Variants in DUT observed in about 807,000 individuals in gnomAD.
DUT encodes deoxyuridine triphosphatase.
A neutral mutation model predicts 28.8 loss-of-function variants in DUT; 21 were observed. The observed-to-expected ratio is 0.73, with a 90% confidence interval of 0.52 to 1.05. The LOEUF (loss-of-function observed/expected upper bound fraction) is 1.05, where lower values mean the gene tolerates loss of function less well. DUT is among the 50% of genes least tolerant of loss of function. DUT has a pLI of 0.00. For missense variants in DUT, 344 were observed against 351.8 expected (o/e 0.98, Z 0.18); for synonymous variants, 147 against 143.7 (o/e 1.02, Z -0.17).
In DUT at chr15:48,332,040, C is replaced by T. The variant is rs1015691095; in HGVS notation, c.281-228C>T. Reference sequence around the variant, plus strand: ...AGTTGACTGGGACCCAGTAGTTTCCCATCCCAAACCTGCTTTCCGAGAAGG... The same window carrying T: ...AGTTGACTGGGACCCAGTAGTTTCCTATCCCAAACCTGCTTTCCGAGAAGG... On this transcript the variant is annotated intron_variant, in intron 1 of 6. Transcript: ENST00000331200. The T allele has an allele frequency of 1.2e-5, 13 of 1,062,604 alleles. No individual in the cohort carries two copies. In the African/African-American group the frequency reaches 1.5e-4, roughly 12 times the overall value. The allele number at this position is 1,062,604 out of a possible 1,614,324, so 65.8% of individuals were successfully genotyped here. A position where few individuals can be genotyped will look rare whatever the true frequency, so the allele number is the denominator to read the frequency against.
chr15:48,331,327 C>A, upstream of DUT: 6 of 1,441,160 alleles, frequency 4.2e-6, no homozygotes, highest in Non-Finnish European at 4.6e-6. Flanking sequence ...CCAACGGCGC[C>A]GTCTTCCTGG....
rs751776310 is a variant in DUT at position 48,341,509 on chromosome 15, T to C, written c.632-6T>C. 2 of 1,612,844 alleles carry C rather than the reference T, an allele frequency of 1.2e-6. No homozygotes were observed. The highest frequency in any genetic ancestry group is 1.7e-6 in the Non-Finnish European group (2 of 1,179,318). On this transcript the variant is annotated splice_polypyrimidine_tract_variant and splice_region_variant and intron_variant, in intron 5 of 6. Transcript: ENST00000331200. ...ACGTCAGTAATAAACTATTCTTTCT[T>C]TGAAGTCAAAAAAGGTGATCGAATT...
chr15:48,331,432 C>A lies in DUT; in HGVS notation c.-84C>A. The A allele has an allele frequency of 1.3e-6, 2 of 1,570,938 alleles. No homozygotes were observed. The highest frequency in any genetic ancestry group is 2.4e-5 in the South Asian group (2 of 84,674). ...CTGCGACTGCTTCCGAGGTCATGTTCCCAGGACGGGCGCGTCTTCAGGGTG... is the reference window on the plus strand; with the variant it reads ...CTGCGACTGCTTCCGAGGTCATGTTACCAGGACGGGCGCGTCTTCAGGGTG... On this transcript the variant is annotated 5_prime_UTR_variant, in exon 1 of 7. Coordinates refer to ENST00000331200, the MANE Select transcript of DUT (RefSeq NM_001025248.2).
intron 6 of DUT, 46 bp from the exon 7 acceptor site, chr15:48,341,975 AG>A: frequency 7.0e-7 from 1 of 1,433,088 alleles, no homozygotes; most frequent in Non-Finnish European, 9.5e-7. Flanking sequence ...AAACTGAAAG[AG>A]GCTCTTAAAA....
chr15:48,339,787 C>T (rs2141167187), intron 4 of DUT, among the ~76,000 whole-genome samples: 1 of 152,224 alleles, frequency 6.6e-6, no homozygotes, highest in Admixed American at 6.5e-5. Flanking sequence ...CATCAGGAAC[C>T]TTTTAAGAAG....
At chr15:48,337,218 C>G (rs910720391) in intron 4 of DUT, among the ~76,000 whole-genome samples, 5 of 152,178 alleles carry the variant, frequency 3.3e-5, no homozygotes, top group African/African-American at 1.2e-4. Flanking sequence ...ACAGCCCACT[C>G]TTGGGTTGAG....
chr15:48,335,179 T>G (rs2042461574), intron 3 of DUT, among the ~76,000 whole-genome samples: 1 of 152,108 alleles, frequency 6.6e-6, no homozygotes, highest in Non-Finnish European at 1.5e-5. Context: ...TTTTTTAGAA[T>G]TTTTTCAGGG....
intron 2 of DUT, among the ~76,000 whole-genome samples, chr15:48,334,198 C>G (rs1412481385): frequency 6.6e-6 from 1 of 152,154 alleles, no homozygotes; most frequent in African/African-American, 2.4e-5. Context: ...ATTATTTTAT[C>G]TAAAGCTGTC....
Position 48,342,009 on chromosome 15 carries a change from TTCTA to T in DUT, c.703-9_703-6del. ...AAAAAAACTGTGAAGCTTACTACCTTTCTATCTTTCAGGCCTTGGATGACACCGA... is the reference window on the plus strand; with the variant it reads ...AAAAAAACTGTGAAGCTTACTACCTTTCTTTCAGGCCTTGGATGACACCGA... On this transcript the variant is annotated splice_polypyrimidine_tract_variant and intron_variant, in intron 6 of 6. Coordinates refer to ENST00000331200, the MANE Select transcript of DUT (RefSeq NM_001025248.2). 1 of 1,565,922 alleles carries T rather than the reference TTCTA, an allele frequency of 6.4e-7. No individual in the cohort carries two copies. The highest frequency in any genetic ancestry group is 1.9e-4 in the Middle Eastern group (1 of 5,282).
At chr15:48,337,214 C>T (rs1241480383) in intron 4 of DUT, among the ~76,000 whole-genome samples, 1 of 152,092 alleles carries the variant, frequency 6.6e-6, no homozygotes, top group Non-Finnish European at 1.5e-5. Context: ...ATTGACAGCC[C>T]ACTCTTGGGT....
In DUT at chr15:48,331,668, C is replaced by T; in HGVS notation, c.153C>T (p.His51=). 1 of 1,534,672 alleles carries T rather than the reference C, an allele frequency of 6.5e-7. No homozygotes were observed. Among genetic ancestry groups the T allele is most frequent in the South Asian group, 1.2e-5 (1 of 82,534 alleles). ...PGPPLGRAAQ[H]GIPRPLSSAG... is the part of the protein sequence containing the mutation. ...CGCCCCTCGGCCGCGCCGCGCAGCA[C>T]GGGATTCCCCGGCCGCTGTCCAGCG... is the stretch of plus-strand genomic sequence containing the variant. The change falls in exon 1 of 7, where the codon CAC becomes CAT. Residue 51 remains histidine (H), a synonymous_variant. Coordinates refer to ENST00000331200, the MANE Select transcript of DUT (RefSeq NM_001025248.2).
At position 48,332,290 on chromosome 15, in the gene DUT, T is replaced by C. The variant is rs1289579744; in HGVS notation, c.303T>C (p.Ser101=). The part of the protein sequence containing the change: ...PGPETPAISP[S]KRARPAEVGG... ...AAGAGACACCCGCCATTTCACCCAG[T>C]AAGCGGGCCCGGCCTGCGGAGGTGG... Residue 101 remains serine, a synonymous_variant, in exon 2 of 7, where the codon AGT becomes AGC. Transcript: ENST00000331200. The C allele has an allele frequency of 6.2e-7, 1 of 1,609,122 alleles. No homozygotes were observed. Among genetic ancestry groups the C allele is most frequent in the East Asian group, 2.2e-5 (1 of 44,458 alleles).
At chr15:48,332,130 AGGGGCGGTGGGT>A (rs1005175285) in intron 1 of DUT, 126 bp from the exon 2 acceptor site, 48 of 1,383,772 alleles carry the variant, frequency 3.5e-5, no homozygotes, top group Non-Finnish European at 4.4e-5. Flanking sequence ...CGTCCCGGGG[AGGGGCGGTGGGT>A]GGGGCGGGGC....
At chr15:48,332,116 G>T in intron 1 of DUT, 152 bp from the exon 2 acceptor site, 2 of 1,388,784 alleles carry the variant, frequency 1.4e-6, no homozygotes, top group Non-Finnish European at 1.9e-6. Context: ...CAGAACTGTG[G>T]ACTCGTCCCG....
intron 4 of DUT, among the ~76,000 whole-genome samples, chr15:48,337,369 C>T (rs1436156750): frequency 1.3e-5 from 2 of 152,148 alleles, no homozygotes; most frequent in African/African-American, 2.4e-5. Context: ...GTTCAAGGAA[C>T]GGGAGCTTTG....
At chr15:48,339,614 G>A (rs1372690751) in intron 4 of DUT, among the ~76,000 whole-genome samples, 1 of 152,072 alleles carries the variant, frequency 6.6e-6, no homozygotes, top group Non-Finnish European at 1.5e-5. Flanking sequence ...AAATATTAAG[G>A]TGTAAATTAA....
At chr15:48,332,550 A>G (rs1001970355) in intron 2 of DUT, 144 bp downstream of exon 2, 5 of 792,940 alleles carry the variant, frequency 6.3e-6, no homozygotes, top group Admixed American at 5.4e-5. Context: ...TTTAGCTTTC[A>G]TCTTTGGCAT....
chr15:48,341,454 A>G (rs756716391), intron 5 of DUT, 61 bp from the exon 6 acceptor site: 133 of 1,568,238 alleles, frequency 8.5e-5, no homozygotes, highest in Admixed American at 3.4e-5. Flanking sequence ...TTCTCATTGA[A>G]TAAGACAGGA....
Position 48,332,302 on chromosome 15 carries a change from G to C in DUT, c.315G>C (p.Arg105=), listed in dbSNP as rs778866583. 6.2e-7 allele frequency: 1 copy of C among 1,609,074 alleles called. No individual in the cohort carries two copies. Among genetic ancestry groups the C allele is most frequent in the Non-Finnish European group, 8.5e-7 (1 of 1,178,530 alleles). The part of the protein sequence containing the change: ...TPAISPSKRA[R]PAEVGGMQLR... ...CCATTTCACCCAGTAAGCGGGCCCG[G>C]CCTGCGGAGGTGGGCGGCATGCAGC... is the stretch of plus-strand genomic sequence containing the variant. Residue 105 remains arginine, a synonymous_variant, in exon 2 of 7, where the codon CGG becomes CGC. Transcript: ENST00000331200.
Sources: gnomAD v4.1 joint callset for allele counts (sites outside exome capture counted in the v4.1 genomes callset) on GRCh38, gnomAD v4.1.1 for gene constraint, MANE v1.5 for transcripts, NCBI Gene and HGNC (gene_info 2026-07-23, HGNC 2026-07-21) for gene names.